Variants in NXNL2 observed in about 807,000 individuals in gnomAD.
The protein encoded by NXNL2 is nucleoredoxin-like protein 2.
Under a neutral mutation model 11.1 loss-of-function variants are expected in NXNL2, and 7 were observed. The ratio of observed to expected loss-of-function variants is 0.63; its 90% CI spans 0.36 to 1.18. The LOEUF (loss-of-function observed/expected upper bound fraction) is 1.18, where lower values mean the gene tolerates loss of function less well. Among genes scored for constraint, NXNL2 ranks in the 50% most tolerant of loss-of-function variants. The pLI, the probability that NXNL2 is intolerant of heterozygous loss-of-function variation, is 0.02. For missense variants in NXNL2, 233 were observed against 217.7 expected (o/e 1.07, Z -0.44); for synonymous variants, 109 against 101.8 (o/e 1.07, Z -0.42).
chr9:88,561,836 T>C (rs1486188832), intron 1 of NXNL2, among the ~76,000 whole-genome samples: 2 of 152,210 alleles, frequency 1.3e-5, no homozygotes, highest in African/African-American at 4.8e-5. Context: ...AGAGGTGGAA[T>C]AACTGGAAGT....
chr9:88,559,131 G>A (rs899247992), intron 1 of NXNL2, among the ~76,000 whole-genome samples: 4 of 152,172 alleles, frequency 2.6e-5, no homozygotes, highest in African/African-American at 9.6e-5. Flanking sequence ...CCATAGGGAC[G>A]ACTGCCTGCT....
intron 1 of NXNL2, among the ~76,000 whole-genome samples, chr9:88,562,023 G>A (rs1325856982): frequency 1.3e-5 from 2 of 152,166 alleles, no homozygotes; most frequent in East Asian, 3.8e-4. Flanking sequence ...TGTAACAGGT[G>A]CTGACTGGGA....
At chr9:88,576,552 T>C (rs1056925793), downstream of NXNL2, among the ~76,000 whole-genome samples, 1 of 151,994 alleles carries the variant, frequency 6.6e-6, no homozygotes, top group Admixed American at 6.6e-5. Context: ...TGCTAGCAGG[T>C]GACAAGGGAG....
chr9:88,577,665 G>C (rs891578942), downstream of NXNL2, among the ~76,000 whole-genome samples: 1 of 151,878 alleles, frequency 6.6e-6, no homozygotes, highest in South Asian at 2.1e-4. Context: ...AGCGAGCGCA[G>C]CACCGTGCAT....
chr9:88,550,206 G>C (rs1008039594), intron 1 of NXNL2, among the ~76,000 whole-genome samples: 17 of 152,152 alleles, frequency 1.1e-4, no homozygotes, highest in African/African-American at 4.1e-4. Context: ...AACCATTCAT[G>C]AGAAATCCAC....
rs770769943 is a variant in NXNL2 at position 88,544,483 on chromosome 9, G to A, written c.407G>A (p.Arg136Gln). 9 of 1,551,486 alleles carry A rather than the reference G, an allele frequency of 5.8e-6. No homozygotes were observed. The African/African-American group carries it at 8.2e-5, about 14-fold the overall frequency. Residue 136 changes from arginine to glutamine, a missense_variant, in exon 2 of 2, where the codon CGG becomes CAG. Arg to Gln is a conservative substitution (Grantham distance 43). Coordinates refer to ENST00000375854, the MANE Select transcript of NXNL2 (RefSeq NM_001161625.2). ...TNKGRKQIRE[R>Q]GLACFQDWVE... ...AAAGGGCGGAAGCAGATCCGGGAAC[G>A]GGGGTTGGCCTGCTTCCAGGACTGG... is the stretch of plus-strand genomic sequence containing the variant.
At chr9:88,536,973 A>G (rs749823860) in intron 1 of NXNL2, among the ~76,000 whole-genome samples, 5 of 152,232 alleles carry the variant, frequency 3.3e-5, no homozygotes, top group African/African-American at 4.8e-5. Context: ...TTAGTACTCA[A>G]GTTATTTGTA....
chr9:88,569,715 T>C (rs150698906), intron 1 of NXNL2, among the ~76,000 whole-genome samples: 45 of 152,356 alleles, frequency 3.0e-4, no homozygotes, highest in African/African-American at 1.0e-3. Flanking sequence ...GACAATTATG[T>C]GGTTTTTTCT....
At chr9:88,535,970 G>T (rs1829608897) in intron 1 of NXNL2, among the ~76,000 whole-genome samples, 1 of 152,204 alleles carries the variant, frequency 6.6e-6, no homozygotes. Context: ...CACCCCAAGG[G>T]GGCTCGTGGA....
downstream of NXNL2, among the ~76,000 whole-genome samples, chr9:88,548,682 C>CAAAAAAA (rs34096783): frequency 1.3e-5 from 1 of 78,912 alleles, no homozygotes; most frequent in Non-Finnish European, 3.0e-5. Context: ...GACTCTGTCT[C>CAAAAAAA]AAAAAAAAAA....
chr9:88,554,135 G>A (rs1377639624), intron 1 of NXNL2, among the ~76,000 whole-genome samples: 1 of 152,190 alleles, frequency 6.6e-6, no homozygotes, highest in African/African-American at 2.4e-5. Flanking sequence ...CTCAGAGGGA[G>A]AAGATAGAGT....
chr9:88,579,029 GA>G (rs1006029767), downstream of NXNL2, among the ~76,000 whole-genome samples: 2 of 152,170 alleles, frequency 1.3e-5, no homozygotes, highest in African/African-American at 4.8e-5. Flanking sequence ...GGAAAGTCTC[GA>G]TTTCTTGCTG....
At chr9:88,574,487 C>G (rs1286983652) in intron 2 of NXNL2, among the ~76,000 whole-genome samples, 3 of 152,144 alleles carry the variant, frequency 2.0e-5, no homozygotes, top group Admixed American at 6.5e-5. Flanking sequence ...CAACTCGAAG[C>G]AAGGAGGGGG....
At chr9:88,578,288 G>T (rs1830369854), downstream of NXNL2, among the ~76,000 whole-genome samples, 1 of 152,188 alleles carries the variant, frequency 6.6e-6, no homozygotes, top group Non-Finnish European at 1.5e-5. Context: ...GACGGGCACA[G>T]CGGCTCCCAG....
intron 1 of NXNL2, among the ~76,000 whole-genome samples, chr9:88,566,131 A>T (rs1332662095): frequency 6.6e-6 from 1 of 152,052 alleles, no homozygotes; most frequent in South Asian, 2.1e-4. Flanking sequence ...CTCCCATTGC[A>T]TAGGTTGCCT....
At chr9:88,582,642 C>T (rs962478975) in intron 1 of NXNL2, among the ~76,000 whole-genome samples, 1 of 145,732 alleles carries the variant, frequency 6.9e-6, no homozygotes, top group Non-Finnish European at 1.5e-5. Context: ...CTCCTCCCCT[C>T]CCTCCCTCCC....
At chr9:88,540,934 G>GTTTTTTTTT (rs1829743962) in intron 1 of NXNL2, among the ~76,000 whole-genome samples, 1 of 105,434 alleles carries the variant, frequency 9.5e-6, no homozygotes, top group African/African-American at 6.1e-5. Context: ...AATCTCAGTA[G>GTTTTTTTTT]ATTTTTTTTT....
intron 1 of NXNL2, among the ~76,000 whole-genome samples, chr9:88,552,620 A>G (rs974486510): frequency 1.6e-4 from 24 of 151,700 alleles, no homozygotes; most frequent in African/African-American, 5.6e-4. Context: ...ACAGGTGCCC[A>G]CCACCACGCC....
At chr9:88,555,739 G>T (rs960286131) in intron 1 of NXNL2, among the ~76,000 whole-genome samples, 1 of 152,186 alleles carries the variant, frequency 6.6e-6, no homozygotes, top group Non-Finnish European at 1.5e-5. Context: ...GCTTGGTTCT[G>T]GGCTTGGCAC....
Sources: gnomAD v4.1 joint callset for allele counts (sites outside exome capture counted in the v4.1 genomes callset) on GRCh38, gnomAD v4.1.1 for gene constraint, MANE v1.5 for transcripts, NCBI Gene and HGNC (gene_info 2026-07-23, HGNC 2026-07-21) for gene names.